Variants in SCAF11 observed in about 807,000 individuals in gnomAD.
SCAF11 encodes protein SCAF11.
A neutral mutation model predicts 140.5 loss-of-function variants in SCAF11; 47 were observed. That is an observed-to-expected ratio of 0.33 (90% CI 0.26 to 0.43). The LOEUF is 0.43. SCAF11 is among the 20% of genes least tolerant of loss of function. The probability of loss-of-function intolerance (pLI) is 1.00; values close to 1 mark genes in which losing one functional copy is unlikely to be tolerated. For synonymous variants in SCAF11, 557 were observed against 579.4 expected (o/e 0.96, Z 0.55); for missense variants, 1,645 against 1,705.1 (o/e 0.96, Z 0.62).
At chr12:45,977,091 C>A (rs1946251754) in intron 1 of SCAF11, among the ~76,000 whole-genome samples, 1 of 151,968 alleles carries the variant, frequency 6.6e-6, no homozygotes, top group Admixed American at 6.6e-5. Context: ...AACACCAAAT[C>A]AACACAATCT....
chr12:45,956,293 T>A, intron 3 of SCAF11: 2 of 637,374 alleles, frequency 3.1e-6, no homozygotes, highest in South Asian at 3.6e-5. Context: ...ATCTCGAACA[T>A]CTATCTCTCT....
At chr12:45,989,749 C>T (rs928900848) in intron 1 of SCAF11, among the ~76,000 whole-genome samples, 8 of 152,176 alleles carry the variant, frequency 5.3e-5, no homozygotes, top group African/African-American at 1.9e-4. Flanking sequence ...AAGTTCAGAT[C>T]AAGGAGTGAA....
intron 5 of SCAF11, among the ~76,000 whole-genome samples, chr12:45,945,606 G>A (rs1314208495): frequency 1.4e-5 from 2 of 147,738 alleles, no homozygotes; most frequent in Middle Eastern, 3.5e-3. Flanking sequence ...GTGCAATCAC[G>A]GCTTACTGCA....
chr12:45,941,051 G>A (rs1359520024), intron 6 of SCAF11, among the ~76,000 whole-genome samples: 5 of 152,076 alleles, frequency 3.3e-5, no homozygotes, highest in African/African-American at 1.2e-4. Flanking sequence ...TAAACATTCT[G>A]CCTGAACTCA....
chr12:45,930,346 A>G (rs913293310), intron 10 of SCAF11, among the ~76,000 whole-genome samples: 1 of 152,216 alleles, frequency 6.6e-6, no homozygotes, highest in Non-Finnish European at 1.5e-5. Context: ...ATATGCATGC[A>G]CTGCAAGAGA....
chr12:45,972,682 T>C (rs1946105648), intron 1 of SCAF11, among the ~76,000 whole-genome samples: 1 of 148,702 alleles, frequency 6.7e-6, no homozygotes, highest in South Asian at 2.1e-4. Context: ...TAACATAATA[T>C]TCAAAATGTA....
chr12:45,990,398 AG>A lies in SCAF11; in HGVS notation c.-68del. On this transcript the variant is annotated 5_prime_UTR_variant, in exon 1 of 15. Coordinates refer to ENST00000369367, the MANE Select transcript of SCAF11 (RefSeq NM_004719.3). ...CTCGGTCCGGCCGCGGCCCCACAGT[AG>A]GTTCCCAGGTCCCAGTCACTCCGCT... 1 of 1,232,404 alleles carries A rather than the reference AG, an allele frequency of 8.1e-7. No homozygotes were observed. The highest frequency in any genetic ancestry group is 1.0e-6 in the Non-Finnish European group (1 of 988,646). The allele number at this position is 1,232,404 out of a possible 1,614,324, so 76.3% of individuals were successfully genotyped here. A position where few individuals can be genotyped will look rare whatever the true frequency, so the allele number is the denominator to read the frequency against.
Position 45,976,853 on chromosome 12 carries a change from A to G in SCAF11, c.-21-12665T>C, listed in dbSNP as rs144056053. ...GAAGAAAATAAAGGAACAGAAATCA[A>G]TGAAATTGGAAACAGAAAAACAGAT... is the stretch of plus-strand genomic sequence containing the variant. On this transcript the variant is annotated intron_variant, in intron 1 of 14. Coordinates refer to ENST00000369367, the MANE Select transcript of SCAF11 (RefSeq NM_004719.3). Among the ~76,000 whole-genome samples, 177 of 152,226 alleles carry G rather than the reference A, an allele frequency of 1.2e-3. 4 individuals are homozygous for G. In the East Asian group the frequency reaches 0.031, roughly 26 times the overall value.
At chr12:45,981,831 C>A (rs1265198883) in intron 1 of SCAF11, among the ~76,000 whole-genome samples, 1 of 152,028 alleles carries the variant, frequency 6.6e-6, no homozygotes, top group Non-Finnish European at 1.5e-5. Context: ...AATAGAGGAA[C>A]AAACATTATT....
chr12:45,968,605 T>C (rs865944695), intron 1 of SCAF11, among the ~76,000 whole-genome samples: 1 of 152,074 alleles, frequency 6.6e-6, no homozygotes, highest in African/African-American at 2.4e-5. Flanking sequence ...GTAGAATACA[T>C]GGAAATGAGT....
intron 6 of SCAF11, among the ~76,000 whole-genome samples, chr12:45,936,537 C>G (rs1160484599): frequency 6.6e-6 from 1 of 152,150 alleles, no homozygotes; most frequent in Non-Finnish European, 1.5e-5. Context: ...CTAACTACAA[C>G]AAAAGTATAA....
intron 1 of SCAF11, among the ~76,000 whole-genome samples, chr12:45,988,438 C>A (rs1039453297): frequency 1.3e-5 from 2 of 152,280 alleles, no homozygotes; most frequent in South Asian, 4.1e-4. Flanking sequence ...TGCACTGATT[C>A]ATCCTATCTC....
At chr12:45,983,962 G>A (rs1392238544) in intron 1 of SCAF11, among the ~76,000 whole-genome samples, 1 of 152,140 alleles carries the variant, frequency 6.6e-6, no homozygotes, top group Middle Eastern at 3.2e-3. Flanking sequence ...TTTAAAGATT[G>A]AGAACACTTT....
At chr12:45,960,954 T>C (rs1317477352) in intron 3 of SCAF11, 2 of 177,932 alleles carry the variant, frequency 1.1e-5, no homozygotes, top group Non-Finnish European at 2.3e-5. Context: ...ATATGAACAA[T>C]AATTTTTTAC....
intron 1 of SCAF11, among the ~76,000 whole-genome samples, chr12:45,980,791 T>C (rs936001911): frequency 1.3e-5 from 2 of 152,176 alleles, no homozygotes; most frequent in African/African-American, 4.8e-5. Context: ...GCCCTTTTAG[T>C]GCAAAGAACC....
intron 1 of SCAF11, among the ~76,000 whole-genome samples, chr12:45,970,924 G>A (rs902278943): frequency 1.3e-5 from 2 of 152,180 alleles, no homozygotes; most frequent in Non-Finnish European, 2.9e-5. Flanking sequence ...AATGATGCAT[G>A]TCACCTCACA....
At chr12:45,988,241 A>G (rs562162043) in intron 1 of SCAF11, among the ~76,000 whole-genome samples, 1 of 152,348 alleles carries the variant, frequency 6.6e-6, no homozygotes, top group South Asian at 2.1e-4. Context: ...GGGAAGTTAC[A>G]ATGAAAATTA....
chr12:45,946,533 G>T (rs984053288), intron 5 of SCAF11, among the ~76,000 whole-genome samples: 1 of 152,074 alleles, frequency 6.6e-6, no homozygotes, highest in Non-Finnish European at 1.5e-5. Flanking sequence ...ATATGGGGAC[G>T]ACTTTTGCTA....
At chr12:45,972,236 C>G (rs927700913) in intron 1 of SCAF11, among the ~76,000 whole-genome samples, 1 of 152,100 alleles carries the variant, frequency 6.6e-6, no homozygotes, top group Non-Finnish European at 1.5e-5. Context: ...CTACAGAAAG[C>G]TAATTGGAAC....
Sources: allele counts gnomAD v4.1 joint callset (sites outside exome capture counted in the v4.1 genomes callset), GRCh38; gene constraint gnomAD v4.1.1; transcripts MANE v1.5; gene names NCBI Gene and HGNC (gene_info 2026-07-23, HGNC 2026-07-21).